PRKN: variants seen among roughly 807,000 people sequenced by gnomAD.
PRKN encodes parkin RBR E3 ubiquitin protein ligase, also known as E3 ubiquitin-protein ligase parkin.
Under a neutral mutation model 59.5 loss-of-function variants are expected in PRKN, and 56 were observed. The ratio of observed to expected loss-of-function variants is 0.94; its 90% CI spans 0.76 to 1.18. PRKN has a LOEUF of 1.18. Among genes scored for constraint, PRKN ranks in the 50% most tolerant of loss-of-function variants. PRKN has a pLI of 0.00. For missense variants in PRKN, 657 were observed against 596.4 expected (o/e 1.10, Z -1.06); for synonymous variants, 250 against 222.1 (o/e 1.13, Z -1.12).
intron 8 of PRKN, among the ~76,000 whole-genome samples, chr6:161,564,024 G>C (rs1780547704): frequency 6.6e-6 from 1 of 152,034 alleles, no homozygotes; most frequent in African/African-American, 2.4e-5. Context: ...AGCTAAGTTA[G>C]AGAAACAAAA....
chr6:161,522,252 C>G (rs1245139504), intron 9 of PRKN, among the ~76,000 whole-genome samples: 2 of 152,168 alleles, frequency 1.3e-5, no homozygotes, highest in Non-Finnish European at 2.9e-5. Flanking sequence ...GAAGGGCTGA[C>G]TCCCCACAAG....
intron 2 of PRKN, among the ~76,000 whole-genome samples, chr6:162,418,022 G>A (rs534635621): frequency 1.3e-5 from 2 of 152,266 alleles, no homozygotes; most frequent in African/African-American, 4.8e-5. Context: ...CCCAAGAGCA[G>A]TAAAAACATA....
intron 6 of PRKN, among the ~76,000 whole-genome samples, chr6:161,888,813 T>C (rs1327702896): frequency 4.6e-5 from 7 of 152,150 alleles, no homozygotes. Flanking sequence ...TATTCATTAC[T>C]CCCTCCTGTC....
At chr6:161,921,617 A>T (rs958583468) in intron 6 of PRKN, among the ~76,000 whole-genome samples, 2 of 152,198 alleles carry the variant, frequency 1.3e-5, no homozygotes, top group Non-Finnish European at 2.9e-5. Flanking sequence ...TTTCAGCTCC[A>T]CTATAATTGT....
At chr6:162,407,913 T>C (rs551605840) in intron 2 of PRKN, among the ~76,000 whole-genome samples, 2 of 152,122 alleles carry the variant, frequency 1.3e-5, no homozygotes, top group East Asian at 3.9e-4. Context: ...CCAGGTATTT[T>C]ACACATTTTA....
At chr6:162,244,435 A>G (rs1004863809) in intron 3 of PRKN, among the ~76,000 whole-genome samples, 1 of 151,554 alleles carries the variant, frequency 6.6e-6, no homozygotes, top group Admixed American at 6.6e-5. Flanking sequence ...AGTTCACAAA[A>G]TTGTGTTTAA....
chr6:161,905,104 G>A lies in PRKN; in HGVS notation c.734+68198C>T, dbSNP rs147522389. Among the ~76,000 whole-genome samples, 7 of 152,166 alleles carry A rather than the reference G, an allele frequency of 4.6e-5. No homozygotes were observed. The East Asian group carries it at 1.2e-3, about 25-fold the overall frequency. Reference sequence around the variant, plus strand: ...GGAGCCTGGGCGGTATTTTCACCTCGTCTCCCTCCACTTCCCAGCTTTTTT... The same window carrying A: ...GGAGCCTGGGCGGTATTTTCACCTCATCTCCCTCCACTTCCCAGCTTTTTT... On this transcript the variant is annotated intron_variant, in intron 6 of 11. Coordinates refer to ENST00000366898, the MANE Select transcript of PRKN (RefSeq NM_004562.3).
At chr6:162,009,036 C>T (rs1040930023) in intron 5 of PRKN, among the ~76,000 whole-genome samples, 8 of 151,904 alleles carry the variant, frequency 5.3e-5, no homozygotes, top group Middle Eastern at 3.4e-3. Flanking sequence ...GGGCGGATCA[C>T]GAGGTCAGGA....
intron 1 of PRKN, among the ~76,000 whole-genome samples, chr6:162,445,335 A>T (rs1304736273): frequency 6.6e-6 from 1 of 152,122 alleles, no homozygotes; most frequent in Non-Finnish European, 1.5e-5. Context: ...ATTTATTTCA[A>T]TCTAACTCTA....
intron 2 of PRKN, among the ~76,000 whole-genome samples, chr6:162,420,617 A>G (rs1788912529): frequency 6.6e-6 from 1 of 152,162 alleles, no homozygotes; most frequent in Non-Finnish European, 1.5e-5. Flanking sequence ...CCCATGGCAA[A>G]TGTTCTGAGG....
At chr6:162,229,116 T>C (rs1330746952) in intron 3 of PRKN, among the ~76,000 whole-genome samples, 1 of 152,228 alleles carries the variant, frequency 6.6e-6, no homozygotes, top group African/African-American at 2.4e-5. Flanking sequence ...AGCTTTGAGC[T>C]GCAGATTTGT....
chr6:161,701,473 T>A (rs1020176082), intron 7 of PRKN, among the ~76,000 whole-genome samples: 1 of 152,190 alleles, frequency 6.6e-6, no homozygotes, highest in African/African-American at 2.4e-5. Context: ...AACATTTTAT[T>A]TAGGGCACAA....
intron 9 of PRKN, among the ~76,000 whole-genome samples, chr6:161,543,212 C>G (rs1779679271): frequency 1.3e-5 from 2 of 152,120 alleles, no homozygotes; most frequent in Admixed American, 1.3e-4. Flanking sequence ...GAGGTTCAGA[C>G]TCTCATTTCA....
chr6:162,204,281 A>T (rs1431745804), intron 3 of PRKN, among the ~76,000 whole-genome samples: 1 of 152,192 alleles, frequency 6.6e-6, no homozygotes, highest in Non-Finnish European at 1.5e-5. Context: ...TTCTCTCGTC[A>T]AACCAATTTA....
intron 6 of PRKN, among the ~76,000 whole-genome samples, chr6:161,810,131 G>A (rs1018512663): frequency 6.6e-6 from 1 of 152,100 alleles, no homozygotes; most frequent in African/African-American, 2.4e-5. Context: ...GGTTAAATGA[G>A]GTCAGATATG....
At chr6:161,640,708 G>A (rs1446383995) in intron 7 of PRKN, among the ~76,000 whole-genome samples, 1 of 152,158 alleles carries the variant, frequency 6.6e-6, no homozygotes, top group Non-Finnish European at 1.5e-5. Flanking sequence ...ACCAAGTGAA[G>A]GGAAACTATT....
chr6:161,817,507 T>G (rs1418294741), intron 6 of PRKN, among the ~76,000 whole-genome samples: 1 of 152,244 alleles, frequency 6.6e-6, no homozygotes, highest in African/African-American at 2.4e-5. Context: ...AATGATTCCC[T>G]TTTATTAAGT....
At chr6:162,005,261 G>C (rs568618388) in intron 5 of PRKN, among the ~76,000 whole-genome samples, 26 of 152,248 alleles carry the variant, frequency 1.7e-4, no homozygotes, top group African/African-American at 6.0e-4. Flanking sequence ...CTCTTTATTG[G>C]TAATAAAAGA....
chr6:161,982,007 G>A (rs908664171), intron 5 of PRKN, among the ~76,000 whole-genome samples: 6 of 152,092 alleles, frequency 3.9e-5, no homozygotes, highest in African/African-American at 1.4e-4. Context: ...GTCAGTTTAT[G>A]GTACATGTCT....
Sources: gnomAD v4.1 joint callset for allele counts (sites outside exome capture counted in the v4.1 genomes callset) on GRCh38, gnomAD v4.1.1 for gene constraint, MANE v1.5 for transcripts, NCBI Gene and HGNC (gene_info 2026-07-23, HGNC 2026-07-21) for gene names.